Variants in LRRTM4 observed in about 807,000 individuals in gnomAD.
The protein encoded by LRRTM4 is leucine-rich repeat transmembrane neuronal protein 4.
LRRTM4 carries 25 observed loss-of-function variants against 47.6 expected under a neutral mutation model. That is an observed-to-expected ratio of 0.53 (90% CI 0.38 to 0.73). LRRTM4 has a LOEUF of 0.73. LRRTM4 is among the 30% of genes least tolerant of loss of function. LRRTM4 has a pLI of 0.00. For missense variants in LRRTM4, 638 were observed against 713.4 expected (o/e 0.89, Z 1.20); for synonymous variants, 311 against 269.5 (o/e 1.15, Z -1.51).
At chr2:76,922,583 T>C (rs1204476888) in intron 3 of LRRTM4, among the ~76,000 whole-genome samples, 3 of 151,986 alleles carry the variant, frequency 2.0e-5, no homozygotes, top group South Asian at 2.1e-4. Context: ...TTTGAATTCA[T>C]AGAAGCAGAA....
Position 76,877,116 on chromosome 2 carries a change from G to C in LRRTM4, c.1552-128200C>G, listed in dbSNP as rs541959143. On this transcript the variant is annotated intron_variant, in intron 3 of 3. Coordinates refer to ENST00000409884, the MANE Select transcript of LRRTM4 (RefSeq NM_001134745.3). Reference sequence around the variant, plus strand: ...TAAATGCTAGCTCTTAAAACTTTTTGTAAGAGCGGGAAGTAGATTTCATCT... The same window carrying C: ...TAAATGCTAGCTCTTAAAACTTTTTCTAAGAGCGGGAAGTAGATTTCATCT... Among the ~76,000 whole-genome samples the C allele has an allele frequency of 8.5e-5, 13 of 152,146 alleles. No individual in the cohort carries two copies. The South Asian group carries it at 2.7e-3, about 32-fold the overall frequency.
intron 3 of LRRTM4, among the ~76,000 whole-genome samples, chr2:76,918,571 G>C (rs1674330256): frequency 1.3e-5 from 2 of 152,096 alleles, no homozygotes; most frequent in South Asian, 4.2e-4. Flanking sequence ...TTTTTAAAAA[G>C]CAGCATTTCA....
intron 3 of LRRTM4, among the ~76,000 whole-genome samples, chr2:77,073,000 A>G (rs533231452): frequency 3.3e-5 from 5 of 152,256 alleles, no homozygotes; most frequent in East Asian, 3.9e-4. Context: ...TGTGATGTTA[A>G]TATCAATAGC....
intron 3 of LRRTM4, among the ~76,000 whole-genome samples, chr2:77,213,423 G>A (rs1674350313): frequency 6.6e-6 from 1 of 151,938 alleles, no homozygotes; most frequent in Non-Finnish European, 1.5e-5. Context: ...TATAAAATGG[G>A]CATGGTAATA....
chr2:76,972,375 T>C (rs2103943263), intron 3 of LRRTM4, among the ~76,000 whole-genome samples: 1 of 151,822 alleles, frequency 6.6e-6, no homozygotes, highest in East Asian at 2.0e-4. Flanking sequence ...CTGCCTTGTG[T>C]ATATCATCGG....
chr2:77,382,759 T>G (rs888481728), intron 3 of LRRTM4, among the ~76,000 whole-genome samples: 1 of 152,118 alleles, frequency 6.6e-6, no homozygotes, highest in African/African-American at 2.4e-5. Flanking sequence ...TTGATCTTGT[T>G]AAAAACTGAA....
intron 3 of LRRTM4, among the ~76,000 whole-genome samples, chr2:76,986,958 C>G (rs185912569): frequency 3.3e-5 from 5 of 151,998 alleles, no homozygotes; most frequent in African/African-American, 1.2e-4. Flanking sequence ...ATAAACTATT[C>G]TGACACCATA....
At chr2:76,831,000 A>G (rs1460871291) in intron 3 of LRRTM4, among the ~76,000 whole-genome samples, 2 of 152,096 alleles carry the variant, frequency 1.3e-5, no homozygotes, top group East Asian at 1.9e-4. Flanking sequence ...TTGGATTTGA[A>G]TTACTAATCA....
intron 3 of LRRTM4, among the ~76,000 whole-genome samples, chr2:76,794,593 CACCTAT>C (rs1405368626): frequency 6.6e-6 from 1 of 152,134 alleles, no homozygotes; most frequent in Admixed American, 6.5e-5. Context: ...ACTAACCAGG[CACCTAT>C]ACCATTTTCA....
At chr2:76,990,642 T>C (rs1676971269) in intron 3 of LRRTM4, among the ~76,000 whole-genome samples, 2 of 151,750 alleles carry the variant, frequency 1.3e-5, no homozygotes, top group Admixed American at 1.3e-4. Context: ...GCACACAGAT[T>C]CATAAAACAA....
intron 3 of LRRTM4, among the ~76,000 whole-genome samples, chr2:77,280,722 T>A (rs1014240302): frequency 6.6e-6 from 1 of 152,030 alleles, no homozygotes; most frequent in Non-Finnish European, 1.5e-5. Context: ...TCATAGACTA[T>A]GAGAATTAAG....
At chr2:76,877,765 C>T (rs1248628228) in intron 3 of LRRTM4, among the ~76,000 whole-genome samples, 1 of 151,972 alleles carries the variant, frequency 6.6e-6, no homozygotes, top group Non-Finnish European at 1.5e-5. Context: ...ATTGAAGTAG[C>T]TTAACTTTCC....
Position 77,518,363 on chromosome 2 carries a change from T to C in LRRTM4, c.1506A>G (p.Gly502=). 2 of 1,612,686 alleles carry C rather than the reference T, an allele frequency of 1.2e-6. No individual in the cohort carries two copies. The highest frequency in any genetic ancestry group is 1.7e-6 in the Non-Finnish European group (2 of 1,179,324). ...NSETMDISVN[G]SGPCTYTISG... ...AGATGGTATATGTGCAGGGCCCAGATCCATTAACCGATATATCCATGGTCT... is the reference window on the plus strand; with the variant it reads ...AGATGGTATATGTGCAGGGCCCAGACCCATTAACCGATATATCCATGGTCT... Residue 502 remains glycine (G), a synonymous_variant, in exon 3 of 4, where the codon GGA becomes GGG. Transcript: ENST00000409884.
At chr2:77,416,125 A>T (rs1467467750) in intron 3 of LRRTM4, among the ~76,000 whole-genome samples, 1 of 152,196 alleles carries the variant, frequency 6.6e-6, no homozygotes, top group East Asian at 1.9e-4. Flanking sequence ...TATGTTTTGC[A>T]CTTTCCTTTT....
intron 3 of LRRTM4, among the ~76,000 whole-genome samples, chr2:76,979,842 A>G (rs1307683022): frequency 2.6e-5 from 4 of 151,932 alleles, no homozygotes; most frequent in Non-Finnish European, 4.4e-5. Flanking sequence ...TTAGATTCCT[A>G]TCTGGTTTCC....
chr2:76,807,192 A>C (rs1676012057), intron 3 of LRRTM4, among the ~76,000 whole-genome samples: 1 of 151,778 alleles, frequency 6.6e-6, no homozygotes, highest in African/African-American at 2.4e-5. Flanking sequence ...AATAATGAAC[A>C]CTGTTTGACT....
At chr2:77,345,585 T>C (rs1422429863) in intron 3 of LRRTM4, among the ~76,000 whole-genome samples, 7 of 151,942 alleles carry the variant, frequency 4.6e-5, no homozygotes, top group Non-Finnish European at 8.8e-5. Flanking sequence ...TAATGCAAAC[T>C]AAAACTATAA....
chr2:76,797,574 G>A (rs201233272), intron 3 of LRRTM4, among the ~76,000 whole-genome samples: 18 of 151,024 alleles, frequency 1.2e-4, no homozygotes, highest in East Asian at 2.0e-4. Flanking sequence ...GCAAAAGAGC[G>A]AGCTAACATC....
intron 3 of LRRTM4, among the ~76,000 whole-genome samples, chr2:76,903,513 G>A (rs1473458830): frequency 6.6e-6 from 1 of 152,016 alleles, no homozygotes; most frequent in Non-Finnish European, 1.5e-5. Flanking sequence ...TCCATCCTGG[G>A]CCACAGAGCA....
Sources: allele counts gnomAD v4.1 joint callset (sites outside exome capture counted in the v4.1 genomes callset), GRCh38; gene constraint gnomAD v4.1.1; transcripts MANE v1.5; gene names NCBI Gene and HGNC (gene_info 2026-07-23, HGNC 2026-07-21).